The following SLC16A12 variants were observed in gnomAD, a reference collection of about 807,000 sequenced individuals.
SLC16A12 encodes the protein monocarboxylate transporter 12.
Under a neutral mutation model 42.4 loss-of-function variants are expected in SLC16A12, and 17 were observed. That is an observed-to-expected ratio of 0.40 (90% CI 0.27 to 0.60). The LOEUF is 0.60. Among genes scored for constraint, SLC16A12 ranks in the 20% least tolerant of loss-of-function variants. The pLI is 0.42. For missense variants in SLC16A12, 544 were observed against 623.0 expected (o/e 0.87, Z 1.35); for synonymous variants, 224 against 229.4 (o/e 0.98, Z 0.21).
At chr10:89,453,441 A>G (rs1285153712) in intron 3 of SLC16A12, among the ~76,000 whole-genome samples, 1 of 152,212 alleles carries the variant, frequency 6.6e-6, no homozygotes, top group Non-Finnish European at 1.5e-5. Flanking sequence ...TTGATCAACA[A>G]TAGACTACAT....
chr10:89,460,238 G>A (rs1842274869), intron 3 of SLC16A12, among the ~76,000 whole-genome samples: 1 of 151,938 alleles, frequency 6.6e-6, no homozygotes. Flanking sequence ...CCAAGGATAG[G>A]GATTCCTTTT....
chr10:89,514,415 C>T (rs1269219405), intron 2 of SLC16A12, among the ~76,000 whole-genome samples: 1 of 152,206 alleles, frequency 6.6e-6, no homozygotes, highest in East Asian at 1.9e-4. Context: ...AAGCAATAGA[C>T]ATTTTTCTTA....
intron 2 of SLC16A12, among the ~76,000 whole-genome samples, chr10:89,514,148 C>T (rs1843208159): frequency 6.6e-6 from 1 of 152,160 alleles, no homozygotes. Flanking sequence ...GACAAGCTCA[C>T]AAGTGACGCC....
chr10:89,548,041 G>T (rs1008153382), intron 2 of SLC16A12, among the ~76,000 whole-genome samples: 1 of 151,798 alleles, frequency 6.6e-6, no homozygotes, highest in Non-Finnish European at 1.5e-5. Flanking sequence ...TTATAGGTAG[G>T]GCTGGAACAC....
chr10:89,469,353 C>G (rs1458638855), intron 2 of SLC16A12, among the ~76,000 whole-genome samples: 1 of 152,092 alleles, frequency 6.6e-6, no homozygotes, highest in Non-Finnish European at 1.5e-5. Flanking sequence ...ATCCTCTTTA[C>G]TTTAGAAAAA....
chr10:89,478,382 C>G (rs1842613055), intron 2 of SLC16A12, among the ~76,000 whole-genome samples: 1 of 152,180 alleles, frequency 6.6e-6, no homozygotes, highest in Non-Finnish European at 1.5e-5. Context: ...GGTCAGAGAA[C>G]AGGGTGGAAG....
chr10:89,441,819 G>T (rs1377570651), intron 4 of SLC16A12, among the ~76,000 whole-genome samples: 2 of 152,154 alleles, frequency 1.3e-5, no homozygotes, highest in Non-Finnish European at 2.9e-5. Context: ...GTGACATTCT[G>T]GTTGGTCTCA....
chr10:89,479,235 C>T (rs1484130342), intron 2 of SLC16A12, among the ~76,000 whole-genome samples: 1 of 152,076 alleles, frequency 6.6e-6, no homozygotes, highest in Non-Finnish European at 1.5e-5. Flanking sequence ...CCTCACTTTT[C>T]GCTGTAAGAG....
intron 2 of SLC16A12, among the ~76,000 whole-genome samples, chr10:89,519,295 T>C (rs1843309883): frequency 6.6e-6 from 1 of 151,922 alleles, no homozygotes; most frequent in South Asian, 2.1e-4. Flanking sequence ...GGTGAATCAT[T>C]TGTACACGAA....
At chr10:89,448,918 A>ACAAAAT (rs776869658) in intron 3 of SLC16A12, among the ~76,000 whole-genome samples, 105 of 152,358 alleles carry the variant, frequency 6.9e-4, no homozygotes, top group Non-Finnish European at 1.1e-3. Context: ...GTCTCAGGAT[A>ACAAAAT]CAAAATCAAT....
intron 3 of SLC16A12, among the ~76,000 whole-genome samples, chr10:89,453,411 A>G (rs768662767): frequency 2.0e-5 from 3 of 152,260 alleles, no homozygotes; most frequent in Non-Finnish European, 4.4e-5. Context: ...AAATTCAGAC[A>G]TGTACCACAT....
chr10:89,501,730 G>A (rs530739068), intron 2 of SLC16A12, among the ~76,000 whole-genome samples: 5 of 152,082 alleles, frequency 3.3e-5, no homozygotes, highest in East Asian at 3.9e-4. Context: ...CAGCCCGGGC[G>A]ACAGAGCAAG....
chr10:89,554,835 C>A (rs1181495544), intron 2 of SLC16A12, among the ~76,000 whole-genome samples: 3 of 152,166 alleles, frequency 2.0e-5, no homozygotes, highest in African/African-American at 7.2e-5. Context: ...CCCTCTAGCC[C>A]TCTAGCCATC....
chr10:89,515,285 T>C (rs1163439230), intron 2 of SLC16A12, among the ~76,000 whole-genome samples: 3 of 152,120 alleles, frequency 2.0e-5, no homozygotes, highest in Admixed American at 6.6e-5. Flanking sequence ...ATCCCCCACA[T>C]TGGGAATGTT....
chr10:89,479,779 C>G (rs907420546), intron 2 of SLC16A12, among the ~76,000 whole-genome samples: 5 of 152,074 alleles, frequency 3.3e-5, no homozygotes, highest in Middle Eastern at 3.2e-3. Flanking sequence ...CTCCATGAGC[C>G]TTACATAAGG....
At chr10:89,447,340 T>G (rs149487198) in intron 3 of SLC16A12, among the ~76,000 whole-genome samples, 1 of 152,264 alleles carries the variant, frequency 6.6e-6, no homozygotes, top group East Asian at 1.9e-4. Flanking sequence ...ATTCCAAAAT[T>G]CACCACATAG....
chr10:89,556,621 A>G (rs550179618), exon 1 of SLC16A12: 6 of 152,312 alleles, frequency 3.9e-5, no homozygotes, highest in South Asian at 2.1e-4. Context: ...GTCTGATCAT[A>G]GGTCAGAACA....
intron 7 of SLC16A12, among the ~76,000 whole-genome samples, chr10:89,434,240 T>G (rs1841741091): frequency 6.6e-6 from 1 of 152,218 alleles, no homozygotes; most frequent in South Asian, 2.1e-4. Context: ...CAAAAAAGAC[T>G]GAGTACACAG....
intron 2 of SLC16A12, among the ~76,000 whole-genome samples, chr10:89,463,886 T>C (rs1842346468): frequency 1.3e-5 from 2 of 152,342 alleles, no homozygotes; most frequent in East Asian, 1.9e-4. Flanking sequence ...GGTACCCCTA[T>C]GGTCCTGACT....
Sources: allele counts gnomAD v4.1 joint callset (sites outside exome capture counted in the v4.1 genomes callset), GRCh38; gene constraint gnomAD v4.1.1; transcripts MANE v1.5; gene names NCBI Gene and HGNC (gene_info 2026-07-23, HGNC 2026-07-21).